ADGRL2: variants seen among roughly 807,000 people sequenced by gnomAD.
ADGRL2 encodes the protein calcium-independent alpha-latrotoxin receptor 2.
ADGRL2 carries 44 observed loss-of-function variants against 157.4 expected under a neutral mutation model. The observed-to-expected ratio is 0.28, with a 90% CI of 0.22 to 0.36. The LOEUF (loss-of-function observed/expected upper bound fraction) is 0.36. Among genes scored for constraint, ADGRL2 ranks in the 10% least tolerant of loss-of-function variants. ADGRL2 has a pLI of 1.00. For synonymous variants in ADGRL2, 585 were observed against 624.7 expected (o/e 0.94, Z 0.95); for missense variants, 1,510 against 1,768.9 (o/e 0.85, Z 2.63).
At chr1:81,353,737 A>T (rs1663080781) in intron 1 of ADGRL2, among the ~76,000 whole-genome samples, 1 of 152,164 alleles carries the variant, frequency 6.6e-6, no homozygotes. Flanking sequence ...GAAAAGGGTG[A>T]GTATGCCACA....
intron 3 of ADGRL2, among the ~76,000 whole-genome samples, chr1:81,616,860 A>G (rs2081664912): frequency 6.6e-6 from 1 of 151,708 alleles, no homozygotes; most frequent in Non-Finnish European, 1.5e-5. Flanking sequence ...TATTTTTTGT[A>G]GAGGCAAGGG....
intron 1 of ADGRL2, among the ~76,000 whole-genome samples, chr1:81,375,122 A>G (rs538962778): frequency 6.6e-6 from 1 of 152,334 alleles, no homozygotes; most frequent in East Asian, 1.9e-4. Flanking sequence ...CTGTCTTCAG[A>G]CAAATAAAAA....
At chr1:81,424,185 A>G (rs2077172604) in intron 1 of ADGRL2, among the ~76,000 whole-genome samples, 1 of 152,176 alleles carries the variant, frequency 6.6e-6, no homozygotes. Context: ...AATGTCAGAG[A>G]GCATCCCAGA....
chr1:81,649,617 A>G (rs967047555), intron 3 of ADGRL2, among the ~76,000 whole-genome samples: 3 of 152,198 alleles, frequency 2.0e-5, no homozygotes, highest in African/African-American at 4.8e-5. Context: ...AGAGGTCTAC[A>G]AGAAAGCTAA....
chr1:81,990,176 C>A, intron 23 of ADGRL2: 1 of 985,238 alleles, frequency 1.0e-6, no homozygotes, highest in Non-Finnish European at 1.2e-6. Context: ...TTTTCTCTCC[C>A]TGGAAAACAG....
intron 3 of ADGRL2, among the ~76,000 whole-genome samples, chr1:81,677,238 G>A (rs2083014950): frequency 6.6e-6 from 1 of 152,086 alleles, no homozygotes; most frequent in Non-Finnish European, 1.5e-5. Context: ...GCCTGCCTCG[G>A]CCTCCCAAAG....
chr1:81,512,246 C>A (rs745726391), intron 2 of ADGRL2, among the ~76,000 whole-genome samples: 1 of 150,552 alleles, frequency 6.6e-6, no homozygotes, highest in Non-Finnish European at 1.5e-5. Flanking sequence ...CAACAGATTT[C>A]TTTTTCTTTC....
intron 1 of ADGRL2, among the ~76,000 whole-genome samples, chr1:81,408,512 A>T (rs2076893801): frequency 1.7e-5 from 1 of 58,186 alleles, no homozygotes; most frequent in African/African-American, 5.8e-5. Flanking sequence ...ACATTAATTA[A>T]GATGAGTTCA....
chr1:81,467,641 C>T (rs1174712007), intron 2 of ADGRL2, among the ~76,000 whole-genome samples: 1 of 152,090 alleles, frequency 6.6e-6, no homozygotes, highest in African/African-American at 2.4e-5. Context: ...CCTGCCCATC[C>T]ATGACCAATC....
At chr1:81,831,131 T>C (rs963704326) in intron 1 of ADGRL2, among the ~76,000 whole-genome samples, 5 of 152,208 alleles carry the variant, frequency 3.3e-5, no homozygotes, top group Non-Finnish European at 5.9e-5. Flanking sequence ...GATGTTAATA[T>C]TAAAACCTTT....
intron 17 of ADGRL2, among the ~76,000 whole-genome samples, chr1:81,974,734 C>T (rs1384545788): frequency 6.6e-6 from 1 of 151,548 alleles, no homozygotes; most frequent in African/African-American, 2.4e-5. Context: ...AGGTTGATGA[C>T]CATAAAACAA....
At chr1:81,699,556 G>A (rs2083515591), upstream of ADGRL2, among the ~76,000 whole-genome samples, 1 of 152,184 alleles carries the variant, frequency 6.6e-6, no homozygotes, top group African/African-American at 2.4e-5. Context: ...CTGGCTACCT[G>A]ATCACAGCCA....
chr1:81,378,294 T>C (rs1312608089), intron 1 of ADGRL2, among the ~76,000 whole-genome samples: 1 of 152,146 alleles, frequency 6.6e-6, no homozygotes, highest in Non-Finnish European at 1.5e-5. Context: ...CTCGTGCCTG[T>C]AATCCCAGAT....
rs532784613 is a variant in ADGRL2 at position 81,925,409 on chromosome 1, A to C, written c.288-11319A>C. On this transcript the variant is annotated intron_variant, in intron 3 of 23. Transcript: ENST00000686636. ...TTTTAGAAGTTGCAAGAGGAAGAAA[A>C]ATTACTTTAAAATTAAAGTAATAAT... is the stretch of plus-strand genomic sequence containing the variant. 7.9e-5 allele frequency among the ~76,000 whole-genome samples: 12 copies of C among 152,102 alleles called. No individual in the cohort carries two copies. In the East Asian group the frequency reaches 2.3e-3, roughly 29 times the overall value.
At position 81,383,440 on chromosome 1, in the gene ADGRL2, T is replaced by A. The variant is rs12032830; in HGVS notation, c.-301-61596T>A. On this transcript the variant is annotated intron_variant, in intron 1 of 24. Transcript: ENST00000370721. ...ATAGAGAGAGAAAGAGAATGGTTAT[T>A]TGAGCCACCACGGGTGATTATATAT... Among the ~76,000 whole-genome samples, 1,490 of 152,202 alleles carry A rather than the reference T, an allele frequency of 9.8e-3. 33 individuals carry two copies. Among genetic ancestry groups the A allele is most frequent in the East Asian group, 0.063 (325 of 5,162 alleles).
upstream of ADGRL2, among the ~76,000 whole-genome samples, chr1:81,698,096 A>G (rs2083481284): frequency 6.6e-6 from 1 of 152,210 alleles, no homozygotes. Flanking sequence ...GTAGAGAAAA[A>G]TGATAGCCAT....
At chr1:81,422,997 C>G (rs1020836739) in intron 1 of ADGRL2, among the ~76,000 whole-genome samples, 7 of 152,172 alleles carry the variant, frequency 4.6e-5, no homozygotes, top group African/African-American at 1.7e-4. Context: ...GCTACTCATT[C>G]CATGTGTTTT....
intron 1 of ADGRL2, among the ~76,000 whole-genome samples, chr1:81,810,890 T>C (rs2089786159): frequency 6.6e-6 from 1 of 151,896 alleles, no homozygotes; most frequent in Non-Finnish European, 1.5e-5. Flanking sequence ...TAAGGACATA[T>C]AACTTTTTTG....
chr1:81,381,783 T>G (rs1408398429), intron 1 of ADGRL2, among the ~76,000 whole-genome samples: 1 of 152,220 alleles, frequency 6.6e-6, no homozygotes, highest in Admixed American at 6.5e-5. Flanking sequence ...GTGGTTGTGG[T>G]AAATTATTTT....
Sources: allele counts gnomAD v4.1 joint callset (sites outside exome capture counted in the v4.1 genomes callset), GRCh38; gene constraint gnomAD v4.1.1; transcripts MANE v1.5; gene names NCBI Gene and HGNC (gene_info 2026-07-23, HGNC 2026-07-21).